The following SOS1 variants were observed in gnomAD, a reference collection of about 807,000 sequenced individuals.
The protein encoded by SOS1 is SOS Ras/Rac guanine nucleotide exchange factor 1.
A neutral mutation model predicts 157.6 loss-of-function variants in SOS1; 25 were observed. The observed-to-expected ratio is 0.16, with a 90% CI of 0.12 to 0.22. The LOEUF is 0.22. Ranked by LOEUF, SOS1 falls within the 10% of genes least tolerant of loss-of-function variation. The pLI is 1.00. For missense variants in SOS1, 1,237 were observed against 1,599.1 expected, an observed-to-expected ratio of 0.77 and a Z score of 3.86; for synonymous variants, 528 against 534.0, an observed-to-expected ratio of 0.99 and a Z score of 0.16.
At chr2:39,092,606 CTT>C (rs1169593856) in intron 1 of SOS1, among the ~76,000 whole-genome samples, 1 of 152,214 alleles carries the variant, frequency 6.6e-6, no homozygotes, top group Non-Finnish European at 1.5e-5. Flanking sequence ...ATGTAAGAGA[CTT>C]TGTCTCATCA....
At chr2:39,055,930 A>C (rs991851384) in intron 4 of SOS1, among the ~76,000 whole-genome samples, 1 of 152,192 alleles carries the variant, frequency 6.6e-6, no homozygotes, top group Non-Finnish European at 1.5e-5. Context: ...GAGGAATATC[A>C]TAAGGACCAA....
At chr2:39,073,726 G>A (rs1671866333) in intron 1 of SOS1, among the ~76,000 whole-genome samples, 1 of 152,146 alleles carries the variant, frequency 6.6e-6, no homozygotes, top group South Asian at 2.1e-4. Flanking sequence ...TGATACATGA[G>A]TTCTCCAAGT....
intron 6 of SOS1, among the ~76,000 whole-genome samples, chr2:39,039,246 TCAC>T (rs1427924424): frequency 1.3e-5 from 2 of 152,260 alleles, no homozygotes; most frequent in African/African-American, 4.8e-5. Context: ...ATTGTGACAT[TCAC>T]TTTATTGCAG....
At chr2:39,046,111 TATATC>T (rs1393326613) in intron 6 of SOS1, among the ~76,000 whole-genome samples, 4 of 152,354 alleles carry the variant, frequency 2.6e-5, no homozygotes, top group Non-Finnish European at 5.9e-5. Flanking sequence ...TGGATTTTTT[TATATC>T]ATATCATTTT....
intron 8 of SOS1, among the ~76,000 whole-genome samples, chr2:39,029,313 C>T (rs1670076922): frequency 6.6e-6 from 1 of 152,192 alleles, no homozygotes; most frequent in Non-Finnish European, 1.5e-5. Flanking sequence ...ATGTACCTCA[C>T]AGCAGTCAAG....
chr2:38,989,522 C>T (rs532836133), intron 20 of SOS1, among the ~76,000 whole-genome samples: 14 of 148,176 alleles, frequency 9.4e-5, no homozygotes, highest in African/African-American at 3.5e-4. Flanking sequence ...TTTAGCTTTA[C>T]TTGATTTCAT....
intron 21 of SOS1, 104 bp downstream of exon 21, chr2:38,989,166 C>G (rs1174310109): frequency 1.3e-6 from 1 of 771,584 alleles, no homozygotes. Context: ...AAGCAAGGTA[C>G]CAATGCTGCC....
chr2:39,024,078 T>A lies in SOS1; in HGVS notation c.1134A>T (p.Thr378=). ...EDKECLKQAI[T]ALLNVQSGME... is the part of the protein sequence containing the mutation. ...TACCACTCTGAACATTAAGCAAAGC[T>A]GTTATTGCTTGTTTTAAACATTCCT... is the stretch of plus-strand genomic sequence containing the variant. Residue 378 remains threonine, a synonymous_variant, in exon 9 of 23, where the codon ACA becomes ACT. Coordinates refer to ENST00000402219, the MANE Select transcript of SOS1 (RefSeq NM_005633.4). 1 of 1,601,304 alleles carries A rather than the reference T, an allele frequency of 6.2e-7. No homozygotes were observed. The highest frequency in any genetic ancestry group is 8.6e-7 in the Non-Finnish European group (1 of 1,168,488).
intron 15 of SOS1, chr2:39,007,462 G>T: frequency 2.4e-6 from 1 of 413,256 alleles, no homozygotes; most frequent in Non-Finnish European, 4.4e-6. Context: ...AGAATTAACT[G>T]GTGAGGCCAC....
intron 6 of SOS1, among the ~76,000 whole-genome samples, chr2:39,043,979 T>C (rs994125230): frequency 7.9e-5 from 12 of 152,368 alleles, no homozygotes; most frequent in African/African-American, 2.9e-4. Context: ...ACTTAGGACA[T>C]TGATGCTACT....
At chr2:39,055,469 TG>T (rs2124605064) in intron 4 of SOS1, among the ~76,000 whole-genome samples, 1 of 152,310 alleles carries the variant, frequency 6.6e-6, no homozygotes, top group African/African-American at 2.4e-5. Flanking sequence ...TGTGTAAACA[TG>T]TAGTAGGTAC....
chr2:39,086,251 G>A (rs976544476), intron 1 of SOS1, among the ~76,000 whole-genome samples: 6 of 152,142 alleles, frequency 3.9e-5, no homozygotes, highest in African/African-American at 1.4e-4. Context: ...AAGTGAGAGG[G>A]ATAACATTCT....
At chr2:39,047,193 T>C (rs190785782) in intron 6 of SOS1, among the ~76,000 whole-genome samples, 1 of 152,348 alleles carries the variant, frequency 6.6e-6, no homozygotes, top group East Asian at 1.9e-4. Flanking sequence ...TATATGTACT[T>C]TGAGTCTTAT....
chr2:39,090,480 G>C (rs1672551880), intron 1 of SOS1, among the ~76,000 whole-genome samples: 1 of 152,084 alleles, frequency 6.6e-6, no homozygotes. Context: ...CGGATTACCT[G>C]AGGTCAGGAA....
intron 1 of SOS1, among the ~76,000 whole-genome samples, chr2:39,089,421 A>C (rs1672497860): frequency 1.3e-5 from 2 of 151,192 alleles, no homozygotes; most frequent in Non-Finnish European, 2.9e-5. Flanking sequence ...AATCCCAGCT[A>C]CTCGGGAGGC....
At chr2:39,045,028 G>A (rs1026469821) in intron 6 of SOS1, among the ~76,000 whole-genome samples, 3 of 152,096 alleles carry the variant, frequency 2.0e-5, no homozygotes, top group African/African-American at 7.2e-5. Context: ...CTAATATAAT[G>A]TACGTTATGT....
intron 5 of SOS1, among the ~76,000 whole-genome samples, chr2:39,053,014 G>A (rs1289309797): frequency 2.6e-5 from 4 of 152,102 alleles, no homozygotes; most frequent in Admixed American, 6.5e-5. Context: ...TGAGCCAGGC[G>A]TGGTGGCACA....
intron 1 of SOS1, among the ~76,000 whole-genome samples, chr2:39,113,646 C>A (rs1449751006): frequency 1.3e-5 from 2 of 152,132 alleles, no homozygotes; most frequent in African/African-American, 4.8e-5. Context: ...AAAAAGGAAG[C>A]CGTAATAGTA....
At chr2:39,101,330 C>T (rs1395545625) in intron 1 of SOS1, among the ~76,000 whole-genome samples, 1 of 152,168 alleles carries the variant, frequency 6.6e-6, no homozygotes, top group Non-Finnish European at 1.5e-5. Flanking sequence ...CAGGCCCCCA[C>T]TGTCTAACAC....
Sources: allele counts gnomAD v4.1 joint callset (sites outside exome capture counted in the v4.1 genomes callset), GRCh38; gene constraint gnomAD v4.1.1; transcripts MANE v1.5; gene names NCBI Gene and HGNC (gene_info 2026-07-23, HGNC 2026-07-21).